The following RPS6KC1 variants were observed in gnomAD, a reference collection of about 807,000 sequenced individuals.
RPS6KC1 encodes ribosomal protein S6 kinase C1, also known as inactive ribosomal protein S6 kinase delta-1.
A neutral mutation model predicts 103.8 loss-of-function variants in RPS6KC1; 54 were observed. That is an observed-to-expected ratio of 0.52 (90% CI 0.42 to 0.65). The LOEUF (loss-of-function observed/expected upper bound fraction) is 0.65. RPS6KC1 is among the 30% of genes least tolerant of loss of function. RPS6KC1 has a pLI of 0.00. For missense variants in RPS6KC1, 1,151 were observed against 1,253.8 expected, an observed-to-expected ratio of 0.92 and a Z score of 1.24; for synonymous variants, 439 against 438.7, an observed-to-expected ratio of 1.00 and a Z score of -0.01.
chr1:213,562,359 G>GTTTTTTTTT, the RPS6KC1 span, among the ~76,000 whole-genome samples: 5 of 36,302 alleles, frequency 1.4e-4, 2 homozygotes, highest in African/African-American at 2.4e-4. Flanking sequence ...GAAAAGTTCT[G>GTTTTTTTTT]TTTTTTTTTT....
chr1:213,729,267 G>A, the RPS6KC1 span, among the ~76,000 whole-genome samples: 1 of 151,914 alleles, frequency 6.6e-6, no homozygotes, highest in East Asian at 1.9e-4. Flanking sequence ...CCACATCCTC[G>A]GGTTTGAGGG....
chr1:213,522,195 A>G, the RPS6KC1 span, among the ~76,000 whole-genome samples: 1 of 152,240 alleles, frequency 6.6e-6, no homozygotes, highest in Non-Finnish European at 1.5e-5. Flanking sequence ...GCACATCTCC[A>G]TCAGAGCTCT....
At chr1:213,607,027 A>G in the RPS6KC1 span, among the ~76,000 whole-genome samples, 1 of 152,178 alleles carries the variant, frequency 6.6e-6, no homozygotes, top group African/African-American at 2.4e-5. Context: ...GTTTTCGCCC[A>G]TGCTGTGATG....
chr1:213,410,318 G>T, the RPS6KC1 span, among the ~76,000 whole-genome samples: 1 of 152,146 alleles, frequency 6.6e-6, no homozygotes, highest in African/African-American at 2.4e-5. Flanking sequence ...AGGTGGAAGG[G>T]TCTGCCTCAG....
chr1:213,550,495 T>G, the RPS6KC1 span, among the ~76,000 whole-genome samples: 3 of 152,106 alleles, frequency 2.0e-5, no homozygotes, highest in Admixed American at 6.6e-5. Flanking sequence ...GACTGCAGAT[T>G]GAAGCTTGCC....
At chr1:213,364,809 T>TTA in the RPS6KC1 span, among the ~76,000 whole-genome samples, 1 of 151,738 alleles carries the variant, frequency 6.6e-6, no homozygotes, top group Non-Finnish European at 1.5e-5. Flanking sequence ...ATCACAAAAA[T>TTA]TAGTCAGGCA....
chr1:213,206,983 C>G (rs752010004), intron 8 of RPS6KC1, among the ~76,000 whole-genome samples: 1 of 152,086 alleles, frequency 6.6e-6, no homozygotes, highest in African/African-American at 2.4e-5. Context: ...TGCTGCTGTG[C>G]GCCTGTAATC....
the RPS6KC1 span, among the ~76,000 whole-genome samples, chr1:213,795,375 T>C: frequency 3.3e-5 from 5 of 152,206 alleles, no homozygotes; most frequent in African/African-American, 1.2e-4. Flanking sequence ...AAATTTTGTA[T>C]ATTTATGTTC....
chr1:213,482,307 G>A, the RPS6KC1 span, among the ~76,000 whole-genome samples: 2,360 of 151,654 alleles, frequency 0.016, 24 homozygotes, highest in Non-Finnish European at 0.022. Flanking sequence ...TTTCATTTTG[G>A]TTTCCATCTC....
At chr1:213,239,929 C>T (rs567872286) in intron 10 of RPS6KC1, among the ~76,000 whole-genome samples, 12 of 152,148 alleles carry the variant, frequency 7.9e-5, no homozygotes, top group Non-Finnish European at 1.6e-4. Context: ...TAAAAGAAAA[C>T]TATGGTGAAA....
the RPS6KC1 span, among the ~76,000 whole-genome samples, chr1:213,372,999 A>C: frequency 6.6e-6 from 1 of 152,264 alleles, no homozygotes; most frequent in Admixed American, 6.5e-5. Flanking sequence ...GTTTTAAATG[A>C]TAAATTTGTA....
chr1:213,815,362 G>A, the RPS6KC1 span, among the ~76,000 whole-genome samples: 2 of 152,138 alleles, frequency 1.3e-5, no homozygotes, highest in Non-Finnish European at 2.9e-5. Flanking sequence ...AAACAAACTA[G>A]TAATTAATGT....
chr1:213,419,507 A>G, the RPS6KC1 span, among the ~76,000 whole-genome samples: 1 of 152,170 alleles, frequency 6.6e-6, no homozygotes, highest in Non-Finnish European at 1.5e-5. Context: ...AGAGGCAGAG[A>G]GGTTAAGTGA....
the RPS6KC1 span, among the ~76,000 whole-genome samples, chr1:213,402,025 C>T: frequency 6.6e-6 from 1 of 152,122 alleles, no homozygotes; most frequent in African/African-American, 2.4e-5. Flanking sequence ...TGGCTTCAGC[C>T]TCCCAAAGTG....
At chr1:213,671,751 T>C in the RPS6KC1 span, among the ~76,000 whole-genome samples, 1 of 152,092 alleles carries the variant, frequency 6.6e-6, no homozygotes, top group African/African-American at 2.4e-5. Flanking sequence ...GCCACTGCAC[T>C]CTAGCCTGGG....
At chr1:213,222,884 G>T (rs964935139) in intron 8 of RPS6KC1, among the ~76,000 whole-genome samples, 2 of 152,204 alleles carry the variant, frequency 1.3e-5, no homozygotes, top group African/African-American at 4.8e-5. Flanking sequence ...AACATTACCA[G>T]CTCTTGTAAA....
chr1:213,132,303 G>A (rs559720960), intron 6 of RPS6KC1, among the ~76,000 whole-genome samples: 2 of 152,304 alleles, frequency 1.3e-5, no homozygotes, highest in Admixed American at 1.3e-4. Context: ...AATTCCAGAA[G>A]TTAATAACTG....
chr1:213,646,770 GC>G, the RPS6KC1 span, among the ~76,000 whole-genome samples: 1 of 151,942 alleles, frequency 6.6e-6, no homozygotes, highest in Non-Finnish European at 1.5e-5. Flanking sequence ...GCTGGGGAAG[GC>G]ATTGAATCCC....
the RPS6KC1 span, among the ~76,000 whole-genome samples, chr1:213,831,901 C>T: frequency 1.3e-5 from 2 of 152,194 alleles, no homozygotes; most frequent in Non-Finnish European, 2.9e-5. Context: ...CTGGCTTCCT[C>T]TGCGCTAGGT....
Sources: allele counts gnomAD v4.1 joint callset (sites outside exome capture counted in the v4.1 genomes callset), GRCh38; gene constraint gnomAD v4.1.1; transcripts MANE v1.5; gene names NCBI Gene and HGNC (gene_info 2026-07-23, HGNC 2026-07-21).